DEPDC1B: variants seen among roughly 807,000 people sequenced by gnomAD.
DEPDC1B encodes the protein DEP domain-containing protein 1B.
DEPDC1B carries 51 observed loss-of-function variants against 66.5 expected under a neutral mutation model. That is an observed-to-expected ratio of 0.77 (90% CI 0.61 to 0.97). The LOEUF is 0.97. Ranked by LOEUF, DEPDC1B falls within the 50% of genes least tolerant of loss-of-function variation. The pLI, the probability that DEPDC1B is intolerant of heterozygous loss-of-function variation, is 0.00. For missense variants in DEPDC1B, 552 were observed against 637.1 expected, an observed-to-expected ratio of 0.87 and a Z score of 1.44; for synonymous variants, 226 against 223.6, an observed-to-expected ratio of 1.01 and a Z score of -0.10.
intron 7 of DEPDC1B, among the ~76,000 whole-genome samples, chr5:60,619,459 A>G (rs1310524843): frequency 6.6e-6 from 1 of 152,248 alleles, no homozygotes. Flanking sequence ...TACAAAATCA[A>G]TGTGCAAAAA....
chr5:60,675,125 C>G (rs766380563), intron 2 of DEPDC1B, among the ~76,000 whole-genome samples: 1 of 152,080 alleles, frequency 6.6e-6, no homozygotes, highest in Non-Finnish European at 1.5e-5. Context: ...ATGCCTGAGC[C>G]CTCACTGCCA....
chr5:60,673,574 A>T (rs570741726), intron 2 of DEPDC1B, among the ~76,000 whole-genome samples: 4 of 152,274 alleles, frequency 2.6e-5, no homozygotes, highest in African/African-American at 9.6e-5. Context: ...GTGCTTCCTT[A>T]TGTTCACAGG....
intron 1 of DEPDC1B, among the ~76,000 whole-genome samples, chr5:60,698,115 T>C (rs1193474618): frequency 2.0e-5 from 3 of 152,210 alleles, no homozygotes; most frequent in African/African-American, 7.2e-5. Context: ...GTAAGTGCTG[T>C]AAATAAATTG....
chr5:60,607,490 C>T (rs192796060), intron 7 of DEPDC1B, among the ~76,000 whole-genome samples: 165 of 152,208 alleles, frequency 1.1e-3, no homozygotes, highest in African/African-American at 3.8e-3. Context: ...TATGAACCCC[C>T]ACCTGTATTC....
At chr5:60,619,267 T>C (rs1405088047) in intron 7 of DEPDC1B, among the ~76,000 whole-genome samples, 7 of 152,176 alleles carry the variant, frequency 4.6e-5, no homozygotes, top group African/African-American at 1.7e-4. Flanking sequence ...CTATTCAACA[T>C]AGTGTTGGAA....
At chr5:60,615,121 T>A (rs550343775) in intron 7 of DEPDC1B, among the ~76,000 whole-genome samples, 1 of 152,140 alleles carries the variant, frequency 6.6e-6, no homozygotes, top group African/African-American at 2.4e-5. Context: ...TTGAATAAAA[T>A]GAATCAAAGG....
Position 60,617,758 on chromosome 5 carries a change from G to C in DEPDC1B, c.899-11902C>G, listed in dbSNP as rs574465942. On this transcript the variant is annotated intron_variant, in intron 7 of 10. Coordinates refer to ENST00000265036, the MANE Select transcript of DEPDC1B (RefSeq NM_018369.3). Reference sequence around the variant, plus strand: ...ACAGAAAGTTAACAAGGATATCCAGGAACTGAACTCAGCTCTGCACCAAGT... The same window carrying C: ...ACAGAAAGTTAACAAGGATATCCAGCAACTGAACTCAGCTCTGCACCAAGT... Among the ~76,000 whole-genome samples, 3 of 152,226 alleles carry C rather than the reference G, an allele frequency of 2.0e-5. No homozygotes were observed. The South Asian group carries it at 6.2e-4, about 32-fold the overall frequency.
chr5:60,603,605 G>A, intron 8 of DEPDC1B, 38 bp from the exon 9 acceptor site: 1 of 1,528,050 alleles, frequency 6.5e-7, no homozygotes. Context: ...ACGCAGATGA[G>A]TATTTTTCTG....
At chr5:60,621,283 T>A (rs1488395452) in intron 7 of DEPDC1B, among the ~76,000 whole-genome samples, 1 of 150,964 alleles carries the variant, frequency 6.6e-6, no homozygotes, top group Admixed American at 6.6e-5. Flanking sequence ...ACTTAAAGTA[T>A]AATAATAAAA....
intron 2 of DEPDC1B, among the ~76,000 whole-genome samples, chr5:60,665,917 AC>A (rs1408043397): frequency 6.6e-6 from 1 of 152,178 alleles, no homozygotes; most frequent in African/African-American, 2.4e-5. Flanking sequence ...AGGGGGAGGG[AC>A]AATGATTGGG....
At chr5:60,684,829 T>A (rs1754376237) in intron 2 of DEPDC1B, among the ~76,000 whole-genome samples, 1 of 152,096 alleles carries the variant, frequency 6.6e-6, no homozygotes, top group South Asian at 2.1e-4. Context: ...TTGAAAACTA[T>A]TCATCCAACA....
intron 7 of DEPDC1B, among the ~76,000 whole-genome samples, chr5:60,621,947 C>T (rs537773173): frequency 5.0e-4 from 76 of 151,620 alleles, no homozygotes; most frequent in African/African-American, 1.8e-3. Flanking sequence ...TCTTTATTAC[C>T]TTTAGGATAT....
intron 7 of DEPDC1B, among the ~76,000 whole-genome samples, chr5:60,628,916 G>A (rs1028566090): frequency 1.1e-4 from 16 of 152,098 alleles, no homozygotes; most frequent in African/African-American, 3.9e-4. Context: ...CTGAAATGGT[G>A]GGAGAAAGGT....
At chr5:60,604,032 C>T (rs1414480816) in intron 8 of DEPDC1B, among the ~76,000 whole-genome samples, 5 of 151,572 alleles carry the variant, frequency 3.3e-5, no homozygotes, top group Non-Finnish European at 7.4e-5. Context: ...TCAACCATTA[C>T]ATCTTTTCCT....
At chr5:60,694,539 C>G (rs185180713) in intron 1 of DEPDC1B, among the ~76,000 whole-genome samples, 113 of 152,292 alleles carry the variant, frequency 7.4e-4, no homozygotes, top group African/African-American at 2.5e-3. Flanking sequence ...AAGCCTTACA[C>G]TTTGGCCTAC....
At chr5:60,611,683 T>G (rs2111738325) in intron 7 of DEPDC1B, among the ~76,000 whole-genome samples, 1 of 152,346 alleles carries the variant, frequency 6.6e-6, no homozygotes. Flanking sequence ...AACATTTCTT[T>G]AAGCCCCACC....
intron 9 of DEPDC1B, among the ~76,000 whole-genome samples, chr5:60,601,891 T>C (rs1170998816): frequency 6.6e-6 from 1 of 152,218 alleles, no homozygotes; most frequent in Non-Finnish European, 1.5e-5. Context: ...TATTAACTAC[T>C]ATTATTCCCA....
chr5:60,679,180 C>T (rs1026418), intron 2 of DEPDC1B, among the ~76,000 whole-genome samples: 10,891 of 152,138 alleles, frequency 0.072, 661 homozygotes, highest in East Asian at 0.2. Flanking sequence ...ATAGAATTTA[C>T]ATCTTTGTAA....
In DEPDC1B at chr5:60,605,615, T is replaced by C. The variant is rs1752293042; in HGVS notation, c.1065+75A>G. The C allele has an allele frequency of 2.0e-6, 3 of 1,497,072 alleles. No homozygotes were observed. In the Admixed American group the frequency reaches 6.2e-5, roughly 31 times the overall value. The allele number at this position is 1,497,072 out of a possible 1,614,324, so 92.7% of individuals were successfully genotyped here. A position where few individuals can be genotyped will look rare whatever the true frequency, so the allele number is the denominator to read the frequency against. On this transcript the variant is annotated intron_variant, in intron 8 of 10. Transcript: ENST00000265036. ...AAGTCTGCTTTGTACTTCCCTCTGA[T>C]CACCCAAACTAATACACCTTACTCA...
Sources: allele counts gnomAD v4.1 joint callset (sites outside exome capture counted in the v4.1 genomes callset), GRCh38; gene constraint gnomAD v4.1.1; transcripts MANE v1.5; gene names NCBI Gene and HGNC (gene_info 2026-07-23, HGNC 2026-07-21).